The following CUX1 variants were observed in gnomAD, a reference collection of about 807,000 sequenced individuals.
CUX1 encodes the protein protein CASP.
A neutral mutation model predicts 158.8 loss-of-function variants in CUX1; 31 were observed. The observed-to-expected ratio is 0.20, with a 90% confidence interval of 0.15 to 0.26. The LOEUF (loss-of-function observed/expected upper bound fraction) is 0.26, where lower values mean the gene tolerates loss of function less well. Among genes scored for constraint, CUX1 ranks in the 10% least tolerant of loss-of-function variants. CUX1 has a pLI of 1.00. For synonymous variants in CUX1, 879 were observed against 862.1 expected (o/e 1.02, Z -0.34); for missense variants, 1,589 against 2,014.6 (o/e 0.79, Z 4.04).
intron 1 of CUX1, among the ~76,000 whole-genome samples, chr7:101,828,799 A>G (rs947955943): frequency 1.3e-5 from 2 of 151,968 alleles, no homozygotes; most frequent in Non-Finnish European, 2.9e-5. Flanking sequence ...GGATTTGGGG[A>G]AGTGAGGGCT....
At chr7:101,980,521 T>TA (rs1490765373) in intron 2 of CUX1, among the ~76,000 whole-genome samples, 1 of 152,042 alleles carries the variant, frequency 6.6e-6, no homozygotes, top group Non-Finnish European at 1.5e-5. Flanking sequence ...ATTAAAACAA[T>TA]AAAAATCTTC....
chr7:101,925,404 C>A (rs1805469121), intron 2 of CUX1, among the ~76,000 whole-genome samples: 1 of 152,136 alleles, frequency 6.6e-6, no homozygotes, highest in Non-Finnish European at 1.5e-5. Context: ...AGGCACAGTG[C>A]CTGGCCAAAA....
intron 1 of CUX1, among the ~76,000 whole-genome samples, chr7:101,845,717 G>A (rs186128940): frequency 1.6e-4 from 25 of 152,314 alleles, no homozygotes; most frequent in African/African-American, 5.3e-4. Flanking sequence ...CTGGGAGCTC[G>A]TTAGAAATGC....
chr7:102,051,507 G>A (rs567466847), intron 3 of CUX1, among the ~76,000 whole-genome samples: 1 of 152,134 alleles, frequency 6.6e-6, no homozygotes, highest in Non-Finnish European at 1.5e-5. Flanking sequence ...AATTAGCCAG[G>A]CATGATGGTG....
At chr7:102,219,055 A>AACACACACACACACACACACACACAC (rs3138788) in intron 20 of CUX1, among the ~76,000 whole-genome samples, 18 of 126,358 alleles carry the variant, frequency 1.4e-4, no homozygotes, top group East Asian at 6.1e-4. Context: ...CCTGCCTCAA[A>AACACACACACACACACACACACACAC]ACACACACAC....
At chr7:101,980,399 A>G (rs1813280800) in intron 2 of CUX1, among the ~76,000 whole-genome samples, 1 of 152,140 alleles carries the variant, frequency 6.6e-6, no homozygotes. Context: ...GGTCCCAGCT[A>G]CTGGGGAAGC....
chr7:102,196,973 G>A lies in CUX1; in HGVS notation c.1562G>A (p.Ser521Asn). The A allele has an allele frequency of 6.2e-7, 1 of 1,614,142 alleles. No homozygotes were observed. Among genetic ancestry groups the A allele is most frequent in the Non-Finnish European group, 8.5e-7 (1 of 1,180,040 alleles). The change falls in exon 15 of 24, where the codon AGT becomes AAT. Residue 521 changes from serine to asparagine, a missense_variant. Physicochemically the swap from Ser to Asn is conservative, Grantham distance 46 (BLOSUM62 1). This residue lies in a region of CUX1 where 515 missense variants were observed against 574.4 expected (regional missense o/e 0.90). Transcript: ENST00000292535. ...PYSTNSISSQ[S>N]PLQQSPDVNG... is the part of the protein sequence containing the mutation. The stretch of plus-strand genomic sequence containing the variant: ...AGCACAAACTCCATATCTTCCCAAA[G>A]TCCATTACAACAAAGCCCAGATGTC...
intron 12 of CUX1, among the ~76,000 whole-genome samples, chr7:102,192,577 G>C (rs572020531): frequency 6.6e-6 from 1 of 152,286 alleles, no homozygotes; most frequent in East Asian, 1.9e-4. Flanking sequence ...TGTAATCCCA[G>C]CACTTTGGGA....
At chr7:101,855,614 T>TCATGC (rs1318412518) in intron 1 of CUX1, among the ~76,000 whole-genome samples, 2 of 152,162 alleles carry the variant, frequency 1.3e-5, no homozygotes, top group Non-Finnish European at 2.9e-5. Context: ...GCGCGGTGGC[T>TCATGC]CATGCCTGTA....
intron 8 of CUX1, among the ~76,000 whole-genome samples, chr7:102,141,306 C>T (rs1489091941): frequency 6.6e-6 from 1 of 152,116 alleles, no homozygotes; most frequent in African/African-American, 2.4e-5. Context: ...CCCAGCCCTG[C>T]GGGGTACAGG....
intron 7 of CUX1, among the ~76,000 whole-genome samples, chr7:102,113,155 C>T (rs1476498111): frequency 6.6e-6 from 1 of 152,154 alleles, no homozygotes; most frequent in African/African-American, 2.4e-5. Context: ...TGAAAAAATG[C>T]AAAGTTTTTT....
chr7:102,273,581 T>A, intron 15 of CUX1: 1 of 1,493,778 alleles, frequency 6.7e-7, no homozygotes, highest in South Asian at 1.3e-5. Context: ...GATTAGCCTG[T>A]GTATCAGGCA....
In CUX1 at chr7:102,255,732, G is replaced by A; in HGVS notation, c.*6690G>A. ...GTACGGAAGCATTGGGACTTCTGCT[G>A]GTGAAACAAGAGACCATTCAGCAAG... On this transcript the variant is annotated 3_prime_UTR_variant, in exon 24 of 24. Coordinates refer to ENST00000292535, the MANE Select transcript of CUX1 (RefSeq NM_181552.4). 1 of 985,370 alleles carries A rather than the reference G, an allele frequency of 1.0e-6. No homozygotes were observed. Among genetic ancestry groups the A allele is most frequent in the Non-Finnish European group, 1.2e-6 (1 of 829,916 alleles). 61.0% of individuals were successfully genotyped at this position (985,370 alleles called of 1,614,324 possible). A position where few individuals can be genotyped will look rare whatever the true frequency, so the allele number is the denominator to read the frequency against.
At chr7:102,192,413 C>A (rs782743291) in intron 12 of CUX1, among the ~76,000 whole-genome samples, 1 of 152,122 alleles carries the variant, frequency 6.6e-6, no homozygotes, top group Non-Finnish European at 1.5e-5. Context: ...TGATTCCCCA[C>A]GGCAACAAGC....
chr7:101,837,860 G>C (rs1005911218), intron 1 of CUX1, among the ~76,000 whole-genome samples: 2 of 126,400 alleles, frequency 1.6e-5, no homozygotes, highest in Non-Finnish European at 3.3e-5. Context: ...AAAAAAAAAG[G>C]ATACCAAAAT....
chr7:101,886,033 C>T (rs962951453), intron 1 of CUX1, among the ~76,000 whole-genome samples: 1 of 152,176 alleles, frequency 6.6e-6, no homozygotes, highest in African/African-American at 2.4e-5. Flanking sequence ...CCAGGATCCC[C>T]ATGCCTCTGT....
chr7:102,042,425 C>T (rs1293122227), intron 3 of CUX1, among the ~76,000 whole-genome samples: 3 of 152,216 alleles, frequency 2.0e-5, no homozygotes, highest in Non-Finnish European at 2.9e-5. Context: ...CTGTGACTCT[C>T]TCTGCCCACT....
At chr7:101,941,817 A>G (rs774258669) in intron 2 of CUX1, among the ~76,000 whole-genome samples, 23 of 152,240 alleles carry the variant, frequency 1.5e-4, no homozygotes, top group Non-Finnish European at 3.2e-4. Flanking sequence ...CGCACGGGTT[A>G]TGAGGGGCAT....
chr7:102,107,091 A>G (rs982312934), intron 6 of CUX1, among the ~76,000 whole-genome samples: 8 of 152,048 alleles, frequency 5.3e-5, no homozygotes, highest in Non-Finnish European at 1.0e-4. Flanking sequence ...TGAATGCGCC[A>G]TGCATGTCAG....
Sources: allele counts gnomAD v4.1 joint callset (sites outside exome capture counted in the v4.1 genomes callset), GRCh38; gene constraint gnomAD v4.1.1; regional missense constraint gnomAD v4.1.1; transcripts MANE v1.5; gene names NCBI Gene and HGNC (gene_info 2026-07-23, HGNC 2026-07-21).